Variants in BANK1 observed in about 807,000 individuals in gnomAD.
BANK1 encodes the protein B cell scaffold protein with ankyrin repeats 1.
A neutral mutation model predicts 94.5 loss-of-function variants in BANK1; 95 were observed. The observed-to-expected ratio is 1.00, with a 90% CI of 0.85 to 1.19. BANK1 has a LOEUF of 1.19. Among genes scored for constraint, BANK1 ranks in the 50% most tolerant of loss-of-function variants. The pLI, the probability that BANK1 is intolerant of heterozygous loss-of-function variation, is 0.00. For synonymous variants in BANK1, 334 were observed against 308.4 expected, an observed-to-expected ratio of 1.08 and a Z score of -0.87; for missense variants, 987 against 932.2, an observed-to-expected ratio of 1.06 and a Z score of -0.77.
chr4:101,974,435 A>T (rs1007763414), intron 7 of BANK1, among the ~76,000 whole-genome samples: 8 of 152,286 alleles, frequency 5.3e-5, no homozygotes, highest in African/African-American at 1.9e-4. Context: ...CCTTTTCATC[A>T]GTTTAATCAC....
rs1263491042 is a variant in BANK1, at chr4:101,862,666, T to A, written c.763+2T>A. On this transcript the variant is annotated splice_donor_variant, in intron 4 of 16. Transcript: ENST00000322953. LOFTEE classifies it high-confidence loss of function. The stretch of plus-strand genomic sequence containing the variant: ...AAGTCTGGTGCATGAAAGCTTTAGG[T>A]AAGAATGTTTATGATTTAATAAGCA... 4 of 1,592,492 alleles carry A rather than the reference T, an allele frequency of 2.5e-6. No homozygotes were observed. Among genetic ancestry groups the A allele is most frequent in the Non-Finnish European group, 2.6e-6 (3 of 1,172,554 alleles).
At chr4:102,041,749 A>G (rs1183825332) in intron 10 of BANK1, among the ~76,000 whole-genome samples, 1 of 152,014 alleles carries the variant, frequency 6.6e-6, no homozygotes, top group African/African-American at 2.4e-5. Flanking sequence ...TGTTCCGAAT[A>G]TAAGCCCTGG....
chr4:101,801,216 C>CA (rs1445537878), intron 1 of BANK1, among the ~76,000 whole-genome samples: 6 of 151,908 alleles, frequency 3.9e-5, no homozygotes, highest in Admixed American at 1.3e-4. Flanking sequence ...AGACTGAGCA[C>CA]AAAAAATAGA....
At chr4:101,836,132 T>G (rs1373853038) in intron 2 of BANK1, among the ~76,000 whole-genome samples, 1 of 152,208 alleles carries the variant, frequency 6.6e-6, no homozygotes, top group Non-Finnish European at 1.5e-5. Context: ...CGTAACTATT[T>G]TTTTAACCAT....
chr4:101,999,855 T>C (rs1726002305), intron 7 of BANK1, among the ~76,000 whole-genome samples: 1 of 152,192 alleles, frequency 6.6e-6, no homozygotes, highest in African/African-American at 2.4e-5. Flanking sequence ...TGATATAGCA[T>C]GTACAAAGAC....
chr4:101,880,217 A>T (rs1728628431), intron 5 of BANK1, among the ~76,000 whole-genome samples: 1 of 152,144 alleles, frequency 6.6e-6, no homozygotes, highest in Non-Finnish European at 1.5e-5. Context: ...AAACTATTAG[A>T]ACTGATAAAC....
Position 102,025,281 on chromosome 4 carries a change from G to T in BANK1, c.1366G>T (p.Glu456Ter), listed in dbSNP as rs1305913360. 3 of 1,614,104 alleles carry T rather than the reference G, an allele frequency of 1.9e-6. No homozygotes were observed. The highest frequency in any genetic ancestry group is 1.7e-5 in the Admixed American group (1 of 60,014). ...SADGAEANEM[E>*]GEGKQNGSGM... ...AGATGGAGCTGAGGCAAATGAAATGGAAGGGGAAGGAAAACAGAATGGATC... is the reference window on the plus strand; with the variant it reads ...AGATGGAGCTGAGGCAAATGAAATGTAAGGGGAAGGAAAACAGAATGGATC... Residue 456 changes from glutamate to a stop codon, truncating the protein, a stop_gained, in exon 9 of 17, where the codon GAA becomes TAA. Coordinates refer to ENST00000322953, the MANE Select transcript of BANK1 (RefSeq NM_017935.5). LOFTEE classifies it high-confidence loss of function.
chr4:101,982,870 G>T (rs1284869354), intron 7 of BANK1, among the ~76,000 whole-genome samples: 1 of 151,382 alleles, frequency 6.6e-6, no homozygotes, highest in African/African-American at 2.4e-5. Context: ...TTATTCTAAG[G>T]CTATATATAT....
chr4:102,030,002 G>A lies in BANK1; in HGVS notation c.1637G>A (p.Gly546Asp). The A allele has an allele frequency of 1.2e-6, 2 of 1,612,050 alleles. No homozygotes were observed. The highest frequency in any genetic ancestry group is 1.7e-6 in the Non-Finnish European group (2 of 1,179,518). Residue 546 changes from glycine to aspartate, a missense_variant, in exon 10 of 17, where the codon GGT becomes GAT. Gly to Asp is a moderately conservative substitution (Grantham distance 94). Transcript: ENST00000322953. ...EGQMERSQNW[G>D]HPGVRQETGD... is the part of the protein sequence containing the mutation. ...CAAATGGAAAGAAGTCAAAACTGGG[G>A]TCATCCTGGTGTTAGACAAGAAACA...
At chr4:101,816,845 G>A (rs1425649022) in intron 1 of BANK1, among the ~76,000 whole-genome samples, 2 of 152,102 alleles carry the variant, frequency 1.3e-5, no homozygotes, top group Non-Finnish European at 2.9e-5. Flanking sequence ...TATAATATAA[G>A]CAGACATTAA....
intron 7 of BANK1, among the ~76,000 whole-genome samples, chr4:102,016,026 C>T (rs1425623564): frequency 6.6e-6 from 1 of 152,154 alleles, no homozygotes; most frequent in African/African-American, 2.4e-5. Flanking sequence ...CAACTAAAAC[C>T]ATCCACGAAG....
chr4:101,904,284 T>A (rs1313313230), intron 6 of BANK1, among the ~76,000 whole-genome samples: 1 of 152,220 alleles, frequency 6.6e-6, no homozygotes, highest in African/African-American at 2.4e-5. Context: ...ACTGAATTGA[T>A]AGCTCTTAAG....
At chr4:102,057,139 G>T (rs950732336) in intron 11 of BANK1, among the ~76,000 whole-genome samples, 2 of 152,000 alleles carry the variant, frequency 1.3e-5, no homozygotes, top group African/African-American at 4.8e-5. Flanking sequence ...ATCTCCTAAT[G>T]GACCTGAGCT....
intron 7 of BANK1, 46 bp from the exon 8 acceptor site, chr4:102,021,468 A>G (rs1046253777): frequency 4.9e-6 from 4 of 812,078 alleles, no homozygotes; most frequent in Middle Eastern, 2.6e-4. Context: ...TCCAGTGCAT[A>G]TTTATTAAGA....
At chr4:102,004,677 CA>C (rs1247621010) in intron 7 of BANK1, among the ~76,000 whole-genome samples, 1 of 152,070 alleles carries the variant, frequency 6.6e-6, no homozygotes, top group Non-Finnish European at 1.5e-5. Context: ...TTTAGTAGCT[CA>C]TAATAGCATT....
intron 13 of BANK1, among the ~76,000 whole-genome samples, chr4:102,069,498 C>T (rs1466429857): frequency 6.6e-6 from 1 of 152,162 alleles, no homozygotes; most frequent in Non-Finnish European, 1.5e-5. Context: ...ACTGGATATG[C>T]ATTGTATGCA....
intron 2 of BANK1, among the ~76,000 whole-genome samples, chr4:101,846,399 C>T (rs1190967908): frequency 6.6e-6 from 1 of 152,092 alleles, no homozygotes; most frequent in Non-Finnish European, 1.5e-5. Context: ...AAATTGACTG[C>T]TGTATGCATG....
intron 5 of BANK1, among the ~76,000 whole-genome samples, chr4:101,875,238 A>G (rs1424199492): frequency 1.3e-5 from 2 of 152,172 alleles, no homozygotes. Context: ...GGGGAGAGGG[A>G]GAGCACAGCA....
intron 6 of BANK1, among the ~76,000 whole-genome samples, chr4:101,905,483 C>T (rs1019241459): frequency 1.3e-5 from 2 of 152,182 alleles, no homozygotes; most frequent in East Asian, 3.8e-4. Context: ...CACTGATTAG[C>T]CCAATGTTTT....
Sources: gnomAD v4.1 joint callset for allele counts (sites outside exome capture counted in the v4.1 genomes callset) on GRCh38, gnomAD v4.1.1 for gene constraint, MANE v1.5 for transcripts, NCBI Gene and HGNC (gene_info 2026-07-23, HGNC 2026-07-21) for gene names.